The following ANKRD36 variants were observed in gnomAD, a reference collection of about 807,000 sequenced individuals.
The protein encoded by ANKRD36 is ankyrin repeat domain 36.
In ANKRD36, 179 loss-of-function variants were observed where a neutral mutation model predicts 278.1. That is an observed-to-expected ratio of 0.64 (90% CI 0.57 to 0.73). The LOEUF (loss-of-function observed/expected upper bound fraction) is 0.73, where lower values mean the gene tolerates loss of function less well. Among genes scored for constraint, ANKRD36 ranks in the 30% least tolerant of loss-of-function variants. The probability of loss-of-function intolerance (pLI) is 0.00; values close to 1 mark genes in which losing one functional copy is unlikely to be tolerated. For missense variants in ANKRD36, 1,159 were observed against 1,956.7 expected (o/e 0.59, Z 7.69); for synonymous variants, 320 against 641.1 (o/e 0.50, Z 7.57).
chr2:97,187,669 C>G (rs2057727081), intron 32 of ANKRD36, among the ~76,000 whole-genome samples: 1 of 151,710 alleles, frequency 6.6e-6, no homozygotes, highest in Non-Finnish European at 1.5e-5. Flanking sequence ...ACATAAGGGG[C>G]TCTGGGGAAC....
At chr2:97,143,602 G>A (rs1006000968) in intron 8 of ANKRD36, among the ~76,000 whole-genome samples, 86 of 151,984 alleles carry the variant, frequency 5.7e-4, no homozygotes, top group Non-Finnish European at 1.5e-4. Context: ...CTAACTTTTG[G>A]ATAAAATAGC....
chr2:97,207,777 A>C (rs572066687), intron 52 of ANKRD36, 34 bp from the exon 53 acceptor site: 10 of 1,527,608 alleles, frequency 6.5e-6, no homozygotes, highest in Non-Finnish European at 7.9e-6. Flanking sequence ...TCATTTTTAC[A>C]CATGAGTGAT....
At chr2:97,176,797 A>G (rs1291198161) in intron 22 of ANKRD36, among the ~76,000 whole-genome samples, 1 of 151,616 alleles carries the variant, frequency 6.6e-6, no homozygotes, top group Non-Finnish European at 1.5e-5. Flanking sequence ...CGCTTCCTTC[A>G]GGAGCTCTTT....
At chr2:97,130,686 A>G (rs558093046) in intron 6 of ANKRD36, among the ~76,000 whole-genome samples, 52 of 151,960 alleles carry the variant, frequency 3.4e-4, no homozygotes, top group African/African-American at 1.2e-3. Context: ...TATGCTAAGT[A>G]TACCAAGTCT....
At position 97,140,055 on chromosome 2, in the gene ANKRD36, C is replaced by T. The variant is rs529883531; in HGVS notation, c.800-2585C>T. Among the ~76,000 whole-genome samples the T allele has an allele frequency of 1.7e-3, 258 of 151,666 alleles. 1 individual carries two copies. Among genetic ancestry groups the T allele is most frequent in the African/African-American group, 5.5e-3 (227 of 41,428 alleles). ...GTGTGTGTGTGTATTTTTTTCTCTT[C>T]TGAAAACTGTAAATAGAATAATTTT... is the stretch of plus-strand genomic sequence containing the variant. On this transcript the variant is annotated intron_variant, in intron 6 of 75. Transcript: ENST00000420699.
intron 48 of ANKRD36, among the ~76,000 whole-genome samples, chr2:97,203,754 G>T (rs1279448338): frequency 4.0e-5 from 6 of 151,792 alleles, no homozygotes; most frequent in African/African-American, 1.5e-4. Flanking sequence ...TGTATGAGTT[G>T]CTCCTCTGAT....
chr2:97,261,024 C>A (rs1400311843), intron 75 of ANKRD36, among the ~76,000 whole-genome samples: 2 of 128,292 alleles, frequency 1.6e-5, no homozygotes, highest in Non-Finnish European at 3.1e-5. Context: ...AATGTTGTGG[C>A]TCATTTGATT....
At chr2:97,125,328 C>T (rs529359660) in intron 5 of ANKRD36, among the ~76,000 whole-genome samples, 1 of 147,218 alleles carries the variant, frequency 6.8e-6, no homozygotes, top group East Asian at 2.0e-4. Flanking sequence ...TCCAAAACAG[C>T]AGAACCTTGC....
intron 67 of ANKRD36, among the ~76,000 whole-genome samples, chr2:97,229,315 G>C (rs1295271977): frequency 3.3e-5 from 5 of 151,432 alleles, no homozygotes; most frequent in Admixed American, 6.6e-5. Context: ...ATGAATCTGG[G>C]TGCTCCTGTA....
In ANKRD36 at chr2:97,208,262, T is replaced by C. The variant is rs58222855; in HGVS notation, c.3265+256T>C. Reference sequence around the variant, plus strand: ...GAGAGCAGTTCAAGGCATAAGGGGCTCTGGGGAACAACATAATTTTGCTTT... The same window carrying C: ...GAGAGCAGTTCAAGGCATAAGGGGCCCTGGGGAACAACATAATTTTGCTTT... On this transcript the variant is annotated intron_variant, in intron 54 of 75. Transcript: ENST00000420699. 4.9e-3 allele frequency among the ~76,000 whole-genome samples: 722 copies of C among 146,730 alleles called. 20 individuals are homozygous for C. The highest frequency in any genetic ancestry group is 0.018 in the African/African-American group (685 of 37,738).
chr2:97,205,896 T>A (rs1425048866), intron 50 of ANKRD36, 44 bp from the exon 51 acceptor site: 1 of 1,523,976 alleles, frequency 6.6e-7, no homozygotes, highest in Non-Finnish European at 8.8e-7. Flanking sequence ...GATATCTTTA[T>A]CATATTTACA....
intron 5 of ANKRD36, among the ~76,000 whole-genome samples, chr2:97,126,607 G>C (rs527480652): frequency 1.3e-5 from 2 of 151,996 alleles, no homozygotes; most frequent in South Asian, 2.1e-4. Context: ...TTTCAAAATA[G>C]TTTCAGCAAT....
chr2:97,113,771 C>T lies in ANKRD36; in HGVS notation c.32C>T (p.Thr11Ile). 2 of 1,612,894 alleles carry T rather than the reference C, an allele frequency of 1.2e-6. No individual in the cohort carries two copies. The highest frequency in any genetic ancestry group is 1.7e-6 in the Non-Finnish European group (2 of 1,179,980). Reference protein sequence around the residue: MEDGKRERWPTLMERLCSDGF... With the variant: MEDGKRERWPILMERLCSDGF... ...GACGGCAAGCGGGAGAGGTGGCCCA[C>T]CCTCATGGAGCGCTTGTGCTCGGAT... The change falls in exon 1 of 76, where the codon ACC becomes ATC. Residue 11 changes from threonine to isoleucine, a missense_variant. Thr to Ile is a moderately conservative substitution (Grantham distance 89). Transcript: ENST00000420699.
intron 32 of ANKRD36, among the ~76,000 whole-genome samples, chr2:97,188,212 G>A (rs1172622160): frequency 6.6e-6 from 1 of 151,738 alleles, no homozygotes; most frequent in African/African-American, 2.4e-5. Flanking sequence ...CTTCTTTAGA[G>A]ACTAACATGA....
chr2:97,124,621 A>G lies in ANKRD36; in HGVS notation c.731+24A>G, dbSNP rs774097401. 1.7e-5 allele frequency: 26 copies of G among 1,538,158 alleles called. No homozygotes were observed. The South Asian group carries it at 3.2e-4, about 19-fold the overall frequency. The stretch of plus-strand genomic sequence containing the variant: ...GTGTAAGTCTTTACATAAAAAGGCT[A>G]GTGAACACTAAATTGAAGTTTAAAA... On this transcript the variant is annotated intron_variant, in intron 5 of 75. Coordinates refer to ENST00000420699, the MANE Select transcript of ANKRD36 (RefSeq NM_001354587.1).
intron 66 of ANKRD36, among the ~76,000 whole-genome samples, chr2:97,224,487 A>G: frequency 6.8e-6 from 1 of 147,854 alleles, no homozygotes; most frequent in East Asian, 2.1e-4. Context: ...TCGCTCTGCC[A>G]CCCAGGCTGG....
At chr2:97,210,292 A>G (rs548840534) in intron 56 of ANKRD36, among the ~76,000 whole-genome samples, 18 of 151,898 alleles carry the variant, frequency 1.2e-4, no homozygotes, top group Non-Finnish European at 1.9e-4. Context: ...AACTAAGGAG[A>G]CCCCTGGTGT....
chr2:97,183,199 G>C (rs2056665138), intron 26 of ANKRD36, among the ~76,000 whole-genome samples: 2 of 151,688 alleles, frequency 1.3e-5, no homozygotes. Flanking sequence ...CATTGATATT[G>C]ACACTTTTTA....
intron 66 of ANKRD36, among the ~76,000 whole-genome samples, chr2:97,220,761 C>CTTTTTTTTTTTTTTTTTTTTTTTTTTT (rs60699692): frequency 1.4e-5 from 1 of 70,602 alleles, no homozygotes; most frequent in Non-Finnish European, 2.6e-5. Flanking sequence ...TTTTAATTTT[C>CTTTTTTTTTTTTTTTTTTTTTTTTTTT]TTTTTTTTTT....
Sources: gnomAD v4.1 joint callset for allele counts (sites outside exome capture counted in the v4.1 genomes callset) on GRCh38, gnomAD v4.1.1 for gene constraint, MANE v1.5 for transcripts, NCBI Gene and HGNC (gene_info 2026-07-23, HGNC 2026-07-21) for gene names.